PRDM16: variants seen among roughly 807,000 people sequenced by gnomAD.
PRDM16 encodes PR/SET domain 16, also known as histone-lysine N-methyltransferase PRDM16.
PRDM16 carries 23 observed loss-of-function variants against 110.6 expected under a neutral mutation model. The ratio of observed to expected loss-of-function variants is 0.21; its 90% confidence interval spans 0.15 to 0.29. PRDM16 has a LOEUF of 0.29. Among genes scored for constraint, PRDM16 ranks in the 10% least tolerant of loss-of-function variants. The probability of loss-of-function intolerance (pLI) is 1.00; values close to 1 mark genes in which losing one functional copy is unlikely to be tolerated. For missense variants in PRDM16, 1,615 were observed against 1,794.3 expected (o/e 0.90, Z 1.81); for synonymous variants, 799 against 781.8 (o/e 1.02, Z -0.37).
At position 3,197,179 on chromosome 1, in the gene PRDM16, G is replaced by A. The variant is rs554450883; in HGVS notation, c.387+10705G>A. On this transcript the variant is annotated intron_variant, in intron 2 of 16. Coordinates refer to ENST00000270722, the MANE Select transcript of PRDM16 (RefSeq NM_022114.4). ...ACATCACCATCTCCTCCCCCTCCCA[G>A]TGCAGTTATGAACTGGGCCCCAGGG... Among the ~76,000 whole-genome samples the A allele has an allele frequency of 3.3e-5, 5 of 152,312 alleles. No homozygotes were observed. In the East Asian group the frequency reaches 7.7e-4, roughly 24 times the overall value.
At chr1:3,089,365 A>G (rs544586747) in intron 1 of PRDM16, among the ~76,000 whole-genome samples, 1 of 152,344 alleles carries the variant, frequency 6.6e-6, no homozygotes, top group East Asian at 1.9e-4. Context: ...CTGTGACCCC[A>G]TGCAACACAG....
At chr1:3,282,745 T>C (rs1039262928) in intron 3 of PRDM16, among the ~76,000 whole-genome samples, 2 of 152,196 alleles carry the variant, frequency 1.3e-5, no homozygotes, top group South Asian at 2.1e-4. Context: ...GCAGCTTCCT[T>C]TCTCCCTAGG....
intron 12 of PRDM16, among the ~76,000 whole-genome samples, chr1:3,419,368 A>G (rs1276301978): frequency 2.0e-5 from 3 of 152,214 alleles, no homozygotes; most frequent in Non-Finnish European, 4.4e-5. Flanking sequence ...GCAGTCACAC[A>G]GCTCATCGGG....
At chr1:3,232,482 A>C (rs1321554810) in intron 2 of PRDM16, among the ~76,000 whole-genome samples, 1 of 152,186 alleles carries the variant, frequency 6.6e-6, no homozygotes, top group African/African-American at 2.4e-5. Context: ...ATTTTATTTC[A>C]ATCAGGAATA....
chr1:3,228,183 G>A (rs1639335212), intron 2 of PRDM16, among the ~76,000 whole-genome samples: 1 of 152,246 alleles, frequency 6.6e-6, no homozygotes, highest in South Asian at 2.1e-4. Context: ...TCCCGGGACT[G>A]AAGCCTGGAA....
chr1:3,101,313 G>A (rs1642528292), intron 1 of PRDM16, among the ~76,000 whole-genome samples: 1 of 152,240 alleles, frequency 6.6e-6, no homozygotes. Context: ...CCGCGAGGCA[G>A]TGCATTGTCT....
chr1:3,169,798 G>A (rs1041012867), intron 1 of PRDM16, among the ~76,000 whole-genome samples: 5 of 152,164 alleles, frequency 3.3e-5, no homozygotes, highest in South Asian at 2.1e-4. Flanking sequence ...GGTTCCCCCC[G>A]AGCCTCGGGC....
chr1:3,294,677 C>T (rs1476266648), intron 3 of PRDM16, among the ~76,000 whole-genome samples: 1 of 152,198 alleles, frequency 6.6e-6, no homozygotes, highest in Non-Finnish European at 1.5e-5. Flanking sequence ...TCCCCCAGGC[C>T]TCGCGGGCTG....
chr1:3,171,109 G>A (rs1644020384), intron 1 of PRDM16, among the ~76,000 whole-genome samples: 1 of 152,258 alleles, frequency 6.6e-6, no homozygotes, highest in Non-Finnish European at 1.5e-5. Flanking sequence ...GACTGACAGT[G>A]CTCGGGGCCC....
At chr1:3,099,836 G>C (rs532645270) in intron 1 of PRDM16, among the ~76,000 whole-genome samples, 2 of 152,344 alleles carry the variant, frequency 1.3e-5, no homozygotes, top group South Asian at 2.1e-4. Flanking sequence ...GTGAACCGTC[G>C]TGGGAGTGGG....
At position 3,433,401 on chromosome 1, in the gene PRDM16, G is replaced by A. The variant is rs2483247; in HGVS notation, c.3697-276G>A. On this transcript the variant is annotated intron_variant, in intron 16 of 16. Coordinates refer to ENST00000270722, the MANE Select transcript of PRDM16 (RefSeq NM_022114.4). ...GCCACGGGAGGCTGGGAACGGACGAGGCTTGGCCCTGCTGGCCGGGGATGG... is the reference window on the plus strand; with the variant it reads ...GCCACGGGAGGCTGGGAACGGACGAAGCTTGGCCCTGCTGGCCGGGGATGG... Among the ~76,000 whole-genome samples the A allele has an allele frequency of 0.062, 9,384 of 152,298 alleles. 587 individuals are homozygous for A. Among genetic ancestry groups the A allele is most frequent in the East Asian group, 0.19 (987 of 5,178 alleles).
intron 14 of PRDM16, 40 bp from the exon 15 acceptor site, chr1:3,430,832 G>A (rs768188981): frequency 1.9e-6 from 3 of 1,606,770 alleles, no homozygotes; most frequent in East Asian, 2.2e-5. Context: ...GAAGGACAGA[G>A]ACACCCAAAC....
intron 5 of PRDM16, among the ~76,000 whole-genome samples, chr1:3,400,273 C>G (rs1423008654): frequency 6.6e-6 from 1 of 152,242 alleles, no homozygotes; most frequent in African/African-American, 2.4e-5. Context: ...TGGGTGCTTG[C>G]AGGTCGATGC....
At chr1:3,267,936 C>A (rs896392991) in intron 3 of PRDM16, among the ~76,000 whole-genome samples, 2 of 152,220 alleles carry the variant, frequency 1.3e-5, no homozygotes, top group African/African-American at 4.8e-5. Flanking sequence ...CTGAGGAGTC[C>A]GCCCTGTTGT....
chr1:3,275,206 G>T (rs1640555361), intron 3 of PRDM16, among the ~76,000 whole-genome samples: 1 of 152,252 alleles, frequency 6.6e-6, no homozygotes. Flanking sequence ...ATTTTGCCTG[G>T]TAAATGAACC....
chr1:3,190,024 C>T lies in PRDM16; in HGVS notation c.387+3550C>T, dbSNP rs1638259490. ...GCAAGAGACACAGTGCCAGGCAACCCTCGGCTTTGGGATGACTGGGGAGGG... is the reference window on the plus strand; with the variant it reads ...GCAAGAGACACAGTGCCAGGCAACCTTCGGCTTTGGGATGACTGGGGAGGG... On this transcript the variant is annotated intron_variant, in intron 2 of 16. Coordinates refer to ENST00000270722, the MANE Select transcript of PRDM16 (RefSeq NM_022114.4). The surrounding 1 kb of genome is among the most constrained non-coding windows in gnomAD (Gnocchi z 5.0). 6.6e-6 allele frequency among the ~76,000 whole-genome samples: 1 copy of T among 152,206 alleles called. No homozygotes were observed. The highest frequency in any genetic ancestry group is 1.5e-5 in the Non-Finnish European group (1 of 68,038).
intron 3 of PRDM16, among the ~76,000 whole-genome samples, chr1:3,366,989 C>G (rs768120697): frequency 1.3e-5 from 2 of 152,138 alleles, no homozygotes; most frequent in Admixed American, 6.5e-5. Flanking sequence ...GAGCAAGGGC[C>G]GGGCACAGTG....
intron 2 of PRDM16, among the ~76,000 whole-genome samples, chr1:3,227,811 G>C (rs957432266): frequency 6.6e-6 from 1 of 152,224 alleles, no homozygotes; most frequent in Non-Finnish European, 1.5e-5. Context: ...TCCTGAGCAG[G>C]ACCTGTTCCT....
At chr1:3,167,396 C>T (rs1386765338) in intron 1 of PRDM16, among the ~76,000 whole-genome samples, 1 of 152,114 alleles carries the variant, frequency 6.6e-6, no homozygotes, top group South Asian at 2.1e-4. Flanking sequence ...GGGTTAGGGA[C>T]AAGAGGGCCT....
Sources: gnomAD v4.1 joint callset for allele counts (sites outside exome capture counted in the v4.1 genomes callset) on GRCh38, gnomAD v4.1.1 for gene constraint, Gnocchi (gnomAD v3.1) non-coding constraint, MANE v1.5 for transcripts, NCBI Gene and HGNC (gene_info 2026-07-23, HGNC 2026-07-21) for gene names.